The following LCTL variants were observed in gnomAD, a reference collection of about 807,000 sequenced individuals.
LCTL encodes the protein lactase-like protein.
Under a neutral mutation model 75.8 loss-of-function variants are expected in LCTL, and 76 were observed. The observed-to-expected ratio is 1.00, with a 90% CI of 0.83 to 1.21. The LOEUF is 1.21. Ranked by LOEUF, LCTL falls within the 50% of genes most tolerant of loss-of-function variation. The probability of loss-of-function intolerance (pLI) is 0.00; values close to 1 mark genes in which losing one functional copy is unlikely to be tolerated. For synonymous variants in LCTL, 271 were observed against 268.8 expected, an observed-to-expected ratio of 1.01 and a Z score of -0.08; for missense variants, 670 against 712.4, an observed-to-expected ratio of 0.94 and a Z score of 0.68.
chr15:66,548,437 G>T, exon 13 of LCTL: 1 of 936,442 alleles, frequency 1.1e-6, no homozygotes. Flanking sequence ...AGCAGAAAAG[G>T]GAGGAAGATC....
At chr15:66,564,039 G>A in intron 2 of LCTL, 41 bp from the exon 4 acceptor site, 2 of 1,327,450 alleles carry the variant, frequency 1.5e-6, no homozygotes, top group Non-Finnish European at 1.1e-6. Flanking sequence ...CCTGGGCCCT[G>A]GGTATGGGAG....
At chr15:66,557,933 G>C in intron 7 of LCTL, 49 bp downstream of exon 8, 1 of 1,608,814 alleles carries the variant, frequency 6.2e-7, no homozygotes. Context: ...TGCCATTGCT[G>C]CTCCGGGCAC....
At chr15:66,552,225 T>A in intron 9 of LCTL, 56 bp from the exon 11 acceptor site, 15 of 1,512,328 alleles carry the variant, frequency 9.9e-6, no homozygotes, top group Non-Finnish European at 1.3e-5. Flanking sequence ...CAGGTAGGTT[T>A]CTGAGTCAGA....
At chr15:66,563,773 A>C (rs2140854235) in intron 3 of LCTL, 138 bp downstream of exon 4, 1 of 846,102 alleles carries the variant, frequency 1.2e-6, no homozygotes, top group South Asian at 1.6e-5. Flanking sequence ...AGTTACCTGC[A>C]GAACCTGTGA....
Position 66,563,628 on chromosome 15 carries a change from G to T in LCTL, c.371-3C>A. 6.3e-7 allele frequency: 1 copy of T among 1,596,726 alleles called. No individual in the cohort carries two copies. ...TCCCTTCTTGTTCACCTGCTCGGCT[G>T]CAGGTGAAATAAAAGAAGATGCTAC... On this transcript the variant is annotated splice_polypyrimidine_tract_variant and splice_region_variant and intron_variant, in intron 3 of 12. Coordinates refer to ENST00000341509, the Ensembl canonical transcript of LCTL.
exon 3 of LCTL, chr15:66,563,946 A>C: frequency 1.2e-6 from 2 of 1,614,152 alleles, no homozygotes; most frequent in East Asian, 2.2e-5. Flanking sequence ...GGGCCAAGAC[A>C]GGGAGAATCG....
At chr15:66,560,228 C>A (rs188893882) in intron 6 of LCTL, among the ~76,000 whole-genome samples, 1 of 152,142 alleles carries the variant, frequency 6.6e-6, no homozygotes, top group Non-Finnish European at 1.5e-5. Context: ...TCCTTGCCTT[C>A]CAGCTTAGAC....
At chr15:66,557,943 C>T (rs1308908349) in intron 7 of LCTL, 39 bp downstream of exon 8, 4 of 1,608,298 alleles carry the variant, frequency 2.5e-6, no homozygotes, top group South Asian at 1.1e-5. Context: ...GCTCCGGGCA[C>T]TTGGCTGTCC....
intron 1 of LCTL, among the ~76,000 whole-genome samples, 164 bp from the exon 3 acceptor site, chr15:66,565,003 G>C (rs866599688): frequency 2.0e-5 from 3 of 152,160 alleles, no homozygotes; most frequent in African/African-American, 7.2e-5. Flanking sequence ...ATGAGGCACG[G>C]TAGGGGAAGA....
chr15:66,551,701 C>T (rs756074428), exon 11 of LCTL: 1 of 1,614,102 alleles, frequency 6.2e-7, no homozygotes, highest in Non-Finnish European at 8.5e-7. Context: ...TGATAATCTT[C>T]TTGTAATATT....
intron 1 of LCTL, among the ~76,000 whole-genome samples, 163 bp from the exon 3 acceptor site, chr15:66,565,002 G>A (rs1198103503): frequency 3.9e-5 from 6 of 152,258 alleles, no homozygotes; most frequent in South Asian, 2.1e-4. Flanking sequence ...CATGAGGCAC[G>A]GTAGGGGAAG....
At chr15:66,553,738 GA>G (rs1194921114) in intron 8 of LCTL, among the ~76,000 whole-genome samples, 4 of 146,582 alleles carry the variant, frequency 2.7e-5, no homozygotes, top group Non-Finnish European at 6.0e-5. Context: ...CTGGGTGACA[GA>G]GCGAGACTCC....
At position 66,564,313 on chromosome 15, in the gene LCTL, A is replaced by C. The variant is rs997294279; in HGVS notation, c.283-315T>G. ...TGGGTGCTGAGGATGAGCGGGTCCC[A>C]CTCCCTCCACAGGGTGCAACTGACA... On this transcript the variant is annotated intron_variant, in intron 2 of 12. Coordinates refer to ENST00000341509, the Ensembl canonical transcript of LCTL. 1.5e-5 allele frequency: 7 copies of C among 481,616 alleles called. No homozygotes were observed. In the East Asian group the frequency reaches 2.6e-4, roughly 18 times the overall value. 29.8% of individuals were successfully genotyped at this position (481,616 alleles called of 1,614,324 possible). A position where few individuals can be genotyped will look rare whatever the true frequency, so the allele number is the denominator to read the frequency against.
At chr15:66,551,520 A>G in intron 11 of LCTL, 142 bp downstream of exon 12, 1 of 655,086 alleles carries the variant, frequency 1.5e-6, no homozygotes, top group African/African-American at 1.8e-5. Flanking sequence ...CAAATGAGTA[A>G]AGGTGAAATA....
At chr15:66,557,765 G>T in exon 8 of LCTL, 12 of 1,614,072 alleles carry the variant, frequency 7.4e-6, no homozygotes, top group Non-Finnish European at 1.0e-5. Context: ...CGGCATAAAT[G>T]GGGTTGGCAA....
At chr15:66,550,262 T>G in intron 11 of LCTL, 158 bp from the exon 13 acceptor site, 1 of 582,780 alleles carries the variant, frequency 1.7e-6, no homozygotes, top group Non-Finnish European at 3.1e-6. Flanking sequence ...TAGTTAATAT[T>G]TACTGTACAT....
At chr15:66,564,322 A>G (rs1895967350) in intron 2 of LCTL, 1 of 480,114 alleles carries the variant, frequency 2.1e-6, no homozygotes, top group Non-Finnish European at 3.7e-6. Context: ...CACTCCCTCC[A>G]CAGGGTGCAA....
At position 66,565,246 on chromosome 15, in the gene LCTL, A is replaced by G; in HGVS notation, c.118+2T>C. The G allele has an allele frequency of 1.3e-6, 2 of 1,596,408 alleles. No homozygotes were observed. The highest frequency in any genetic ancestry group is 1.1e-5 in the South Asian group (1 of 90,664). ...GACAGACGAACAGAGGCGTGGCCGT[A>G]CCAAGAGGGAAGGTTCCATAGTAGA... On this transcript the variant is annotated splice_donor_variant, in intron 1 of 12. Coordinates refer to ENST00000341509, the Ensembl canonical transcript of LCTL. LOFTEE classifies it high-confidence loss of function.
At chr15:66,550,129 A>G in intron 11 of LCTL, 25 bp from the exon 13 acceptor site, 1 of 1,508,228 alleles carries the variant, frequency 6.6e-7, no homozygotes, top group Non-Finnish European at 9.1e-7. Flanking sequence ...CTTGATAAGT[A>G]ATGTTGTCTT....
Sources: allele counts gnomAD v4.1 joint callset (sites outside exome capture counted in the v4.1 genomes callset), GRCh38; gene constraint gnomAD v4.1.1; transcripts MANE v1.5; gene names NCBI Gene and HGNC (gene_info 2026-07-23, HGNC 2026-07-21).